NRG3: variants seen among roughly 807,000 people sequenced by gnomAD.
The protein encoded by NRG3 is neuregulin 3, also known as pro-neuregulin-3, membrane-bound isoform.
NRG3 carries 31 observed loss-of-function variants against 66.9 expected under a neutral mutation model. The observed-to-expected ratio is 0.46, with a 90% CI of 0.35 to 0.63. The LOEUF is 0.63. Among genes scored for constraint, NRG3 ranks in the 20% least tolerant of loss-of-function variants. The probability of loss-of-function intolerance (pLI) is 0.00; values close to 1 mark genes in which losing one functional copy is unlikely to be tolerated. For synonymous variants in NRG3, 393 were observed against 359.4 expected (o/e 1.09, Z -1.06); for missense variants, 910 against 878.9 (o/e 1.04, Z -0.45).
chr10:82,221,160 T>C (rs1056003904), intron 1 of NRG3, among the ~76,000 whole-genome samples: 4 of 152,016 alleles, frequency 2.6e-5, no homozygotes, highest in African/African-American at 4.8e-5. Flanking sequence ...TTAGAGTTTT[T>C]GATTGTGGAG....
At chr10:82,927,299 C>T (rs1414021909) in intron 4 of NRG3, among the ~76,000 whole-genome samples, 1 of 152,120 alleles carries the variant, frequency 6.6e-6, no homozygotes, top group East Asian at 1.9e-4. Flanking sequence ...TAGTTTGAGA[C>T]ATTATTTAAA....
chr10:82,985,669 C>A lies in NRG3; in HGVS notation c.*64C>A. 1 of 1,513,626 alleles carries A rather than the reference C, an allele frequency of 6.6e-7. No homozygotes were observed. The highest frequency in any genetic ancestry group is 8.8e-7 in the Non-Finnish European group (1 of 1,130,540). The allele number at this position is 1,513,626 out of a possible 1,614,324, so 93.8% of individuals were successfully genotyped here. A position where few individuals can be genotyped will look rare whatever the true frequency, so the allele number is the denominator to read the frequency against. ...AACAGGAAAGAGAGGAAATCAAATA[C>A]AAATTATTTATATGCATTAATTTAA... is the stretch of plus-strand genomic sequence containing the variant. On this transcript the variant is annotated 3_prime_UTR_variant, in exon 9 of 9. Coordinates refer to ENST00000372141, the MANE Select transcript of NRG3 (RefSeq NM_001010848.4).
chr10:82,348,358 T>G (rs1468492699), intron 1 of NRG3, among the ~76,000 whole-genome samples: 1 of 146,232 alleles, frequency 6.8e-6, no homozygotes, highest in Non-Finnish European at 1.5e-5. Context: ...AAATTCTGGG[T>G]TGAAAATTCT....
intron 1 of NRG3, among the ~76,000 whole-genome samples, chr10:82,184,980 T>C (rs2073706221): frequency 6.6e-6 from 1 of 152,122 alleles, no homozygotes; most frequent in African/African-American, 2.4e-5. Flanking sequence ...CAGGGCACCT[T>C]TGAGAGCTTT....
intron 2 of NRG3, among the ~76,000 whole-genome samples, chr10:82,575,675 C>T (rs2045983714): frequency 6.6e-6 from 1 of 151,710 alleles, no homozygotes; most frequent in Admixed American, 6.6e-5. Flanking sequence ...AAACAAAGAC[C>T]ACTTCATATT....
At chr10:82,837,874 G>C (rs925509367) in intron 3 of NRG3, among the ~76,000 whole-genome samples, 1 of 152,124 alleles carries the variant, frequency 6.6e-6, no homozygotes, top group African/African-American at 2.4e-5. Flanking sequence ...CAGCTCCTAG[G>C]GAGTCATAGG....
At chr10:81,878,170 G>T in intron 1 of NRG3, 1 of 1,307,486 alleles carries the variant, frequency 7.6e-7, no homozygotes, top group South Asian at 1.6e-5. Context: ...AATAAGTAAT[G>T]ATTATTGACA....
At chr10:82,155,193 C>A (rs1342950437) in intron 1 of NRG3, among the ~76,000 whole-genome samples, 1 of 151,618 alleles carries the variant, frequency 6.6e-6, no homozygotes, top group Non-Finnish European at 1.5e-5. Context: ...GCTAGTTTCC[C>A]AATCAGAGCA....
At chr10:82,441,603 T>A (rs2090435224) in intron 2 of NRG3, among the ~76,000 whole-genome samples, 1 of 152,114 alleles carries the variant, frequency 6.6e-6, no homozygotes, top group African/African-American at 2.4e-5. Flanking sequence ...CGCACAGCGA[T>A]GAGAGAGTGC....
intron 3 of NRG3, among the ~76,000 whole-genome samples, chr10:82,747,911 C>T (rs1426533374): frequency 6.6e-6 from 1 of 151,620 alleles, no homozygotes; most frequent in African/African-American, 2.4e-5. Flanking sequence ...TTAAGCTATT[C>T]AATTTTATTA....
chr10:82,614,270 T>C (rs1314940924), intron 2 of NRG3, among the ~76,000 whole-genome samples: 1 of 152,188 alleles, frequency 6.6e-6, no homozygotes, highest in Non-Finnish European at 1.5e-5. Context: ...GGAGGCAAGT[T>C]TGAAAATTTT....
At chr10:82,873,995 A>AT (rs1332107692) in intron 4 of NRG3, among the ~76,000 whole-genome samples, 1 of 151,760 alleles carries the variant, frequency 6.6e-6, no homozygotes, top group African/African-American at 2.4e-5. Flanking sequence ...TAATCTTTGT[A>AT]TTTTTTAAGT....
chr10:82,554,643 G>A (rs1194390514), intron 2 of NRG3, among the ~76,000 whole-genome samples: 1 of 152,120 alleles, frequency 6.6e-6, no homozygotes, highest in East Asian at 1.9e-4. Context: ...GGAATAATGT[G>A]AGGACCCCTA....
intron 1 of NRG3, among the ~76,000 whole-genome samples, chr10:82,160,430 G>T (rs534030041): frequency 6.6e-6 from 1 of 151,924 alleles, no homozygotes; most frequent in Non-Finnish European, 1.5e-5. Flanking sequence ...CTTTGTCATG[G>T]CTATACAGAT....
At chr10:82,477,401 G>A (rs1457208320) in intron 2 of NRG3, among the ~76,000 whole-genome samples, 4 of 152,186 alleles carry the variant, frequency 2.6e-5, no homozygotes, top group Non-Finnish European at 5.9e-5. Flanking sequence ...GGGCTTTAAT[G>A]TATATGAGCA....
intron 4 of NRG3, among the ~76,000 whole-genome samples, chr10:82,930,845 G>A (rs1847501881): frequency 6.6e-6 from 1 of 152,130 alleles, no homozygotes; most frequent in Admixed American, 6.6e-5. Flanking sequence ...GTGGTGGGTG[G>A]TGGGGGATGA....
chr10:82,276,896 A>G (rs1447668258), intron 1 of NRG3, among the ~76,000 whole-genome samples: 1 of 152,100 alleles, frequency 6.6e-6, no homozygotes, highest in Non-Finnish European at 1.5e-5. Context: ...TAAAAAAGAT[A>G]GTACATTTCC....
Position 82,985,242 on chromosome 10 carries a change from C to T in NRG3, c.1728C>T (p.Ile576=), listed in dbSNP as rs1853337096. The change falls in exon 9 of 9, where the codon ATC becomes ATT. Residue 576 remains isoleucine (I), a synonymous_variant. Coordinates refer to ENST00000372141, the MANE Select transcript of NRG3 (RefSeq NM_001010848.4). ...CCACAAGGGCCAGTTCTGTGCCCAT[C>T]ATCCCTTCAGTGGGTTTAGAGGAAA... ...YSSTRASSVP[I]IPSVGLEETC... is the part of the protein sequence containing the mutation. 1 of 1,614,178 alleles carries T rather than the reference C, an allele frequency of 6.2e-7. No individual in the cohort carries two copies. Among genetic ancestry groups the T allele is most frequent in the Non-Finnish European group, 8.5e-7 (1 of 1,180,014 alleles).
intron 2 of NRG3, among the ~76,000 whole-genome samples, chr10:82,553,948 C>A (rs1224448419): frequency 5.9e-5 from 9 of 152,074 alleles, no homozygotes; most frequent in Admixed American, 5.9e-4. Context: ...TTAGTGCAAA[C>A]CTGTAGATTT....
Sources: gnomAD v4.1 joint callset for allele counts (sites outside exome capture counted in the v4.1 genomes callset) on GRCh38, gnomAD v4.1.1 for gene constraint, MANE v1.5 for transcripts, NCBI Gene and HGNC (gene_info 2026-07-23, HGNC 2026-07-21) for gene names.